The following HIBADH variants were observed in gnomAD, a reference collection of about 807,000 sequenced individuals.
HIBADH encodes 3-hydroxyisobutyrate dehydrogenase, mitochondrial.
Under a neutral mutation model 36.1 loss-of-function variants are expected in HIBADH, and 25 were observed. The observed-to-expected ratio is 0.69, with a 90% CI of 0.50 to 0.97. The LOEUF is 0.97. Ranked by LOEUF, HIBADH falls within the 50% of genes least tolerant of loss-of-function variation. The pLI is 0.00. For synonymous variants in HIBADH, 160 were observed against 149.5 expected (o/e 1.07, Z -0.51); for missense variants, 421 against 418.0 (o/e 1.01, Z -0.06).
intron 1 of HIBADH, among the ~76,000 whole-genome samples, chr7:27,652,881 C>T (rs1423549439): frequency 1.3e-5 from 2 of 152,224 alleles, no homozygotes; most frequent in African/African-American, 4.8e-5. Flanking sequence ...GTAATCCCAG[C>T]ACTTTGGGAG....
At chr7:27,628,253 C>T (rs1048423734) in intron 4 of HIBADH, among the ~76,000 whole-genome samples, 3 of 151,992 alleles carry the variant, frequency 2.0e-5, no homozygotes, top group Non-Finnish European at 4.4e-5. Flanking sequence ...ATTTATTCCT[C>T]CACCTATATT....
chr7:27,571,161 T>G (rs1784622706), intron 4 of HIBADH, among the ~76,000 whole-genome samples: 1 of 152,132 alleles, frequency 6.6e-6, no homozygotes, highest in South Asian at 2.1e-4. Flanking sequence ...ATTTCAATGA[T>G]TTTTCTAAAT....
chr7:27,640,475 A>G (rs972634198), intron 2 of HIBADH, among the ~76,000 whole-genome samples: 1 of 152,184 alleles, frequency 6.6e-6, no homozygotes, highest in African/African-American at 2.4e-5. Flanking sequence ...GGCTGCAGTG[A>G]GCCATGATCC....
At chr7:27,556,322 T>A (rs1784388140) in intron 4 of HIBADH, among the ~76,000 whole-genome samples, 1 of 152,240 alleles carries the variant, frequency 6.6e-6, no homozygotes, top group African/African-American at 2.4e-5. Context: ...TTTTTCTTGT[T>A]AATTATAGAT....
At chr7:27,625,577 G>A (rs1446827783) in intron 4 of HIBADH, among the ~76,000 whole-genome samples, 1 of 152,026 alleles carries the variant, frequency 6.6e-6, no homozygotes, top group Non-Finnish European at 1.5e-5. Context: ...AACTTCAAAG[G>A]TAATAAATAG....
chr7:27,626,100 C>T (rs12155440), intron 4 of HIBADH, among the ~76,000 whole-genome samples: 4 of 12,650 alleles, frequency 3.2e-4, no homozygotes, highest in African/African-American at 1.8e-3. Context: ...GAGACTCCGT[C>T]TCAGAAAAAA....
intron 4 of HIBADH, among the ~76,000 whole-genome samples, chr7:27,551,795 C>A (rs1784322938): frequency 6.6e-6 from 1 of 152,182 alleles, no homozygotes; most frequent in South Asian, 2.1e-4. Context: ...CATAGTAAAT[C>A]ACTTAATTTA....
intron 4 of HIBADH, among the ~76,000 whole-genome samples, chr7:27,598,679 CAG>C (rs1785071441): frequency 6.6e-6 from 1 of 152,032 alleles, no homozygotes; most frequent in South Asian, 2.1e-4. Flanking sequence ...CACAACAAAA[CAG>C]AGAAAGATAA....
intron 4 of HIBADH, among the ~76,000 whole-genome samples, chr7:27,570,650 C>T (rs1784614806): frequency 1.3e-5 from 2 of 150,732 alleles, no homozygotes; most frequent in Admixed American, 1.3e-4. Context: ...TCATCAATCT[C>T]TACACTTCAA....
chr7:27,602,355 A>C (rs948658821), intron 4 of HIBADH, among the ~76,000 whole-genome samples: 1 of 152,184 alleles, frequency 6.6e-6, no homozygotes, highest in African/African-American at 2.4e-5. Flanking sequence ...GAATCTACTT[A>C]TTGATAAGGC....
At chr7:27,543,407 A>G (rs1215523915) in intron 4 of HIBADH, among the ~76,000 whole-genome samples, 1 of 152,204 alleles carries the variant, frequency 6.6e-6, no homozygotes, top group Non-Finnish European at 1.5e-5. Flanking sequence ...TATTATTCCC[A>G]TGCATCTATT....
chr7:27,655,039 A>C (rs376511997), intron 1 of HIBADH, among the ~76,000 whole-genome samples: 11 of 152,188 alleles, frequency 7.2e-5, no homozygotes, highest in African/African-American at 2.7e-4. Flanking sequence ...ATCAAAACTA[A>C]TCAAACTGTA....
chr7:27,662,801 C>G lies in HIBADH; in HGVS notation c.-13G>C, dbSNP rs1228276405. 1 of 1,469,588 alleles carries G rather than the reference C, an allele frequency of 6.8e-7. No homozygotes were observed. Among genetic ancestry groups the G allele is most frequent in the Admixed American group, 2.5e-5 (1 of 39,738 alleles). The allele number at this position is 1,469,588 out of a possible 1,614,324, so 91.0% of individuals were successfully genotyped here. A position where few individuals can be genotyped will look rare whatever the true frequency, so the allele number is the denominator to read the frequency against. On this transcript the variant is annotated 5_prime_UTR_variant, in exon 1 of 8. Coordinates refer to ENST00000265395, the MANE Select transcript of HIBADH (RefSeq NM_152740.4). ...AGGAGGCTGCCATGCTGCGCCCGCC[C>G]CTCTCCCCGCGGTGACCTCCGCCGC...
chr7:27,592,296 T>C (rs944174153), intron 4 of HIBADH, among the ~76,000 whole-genome samples: 3 of 152,180 alleles, frequency 2.0e-5, no homozygotes, highest in Non-Finnish European at 2.9e-5. Context: ...CATTTATCTT[T>C]TTCCTCAGCA....
chr7:27,606,145 T>C (rs1785224119), intron 4 of HIBADH, among the ~76,000 whole-genome samples: 1 of 152,244 alleles, frequency 6.6e-6, no homozygotes, highest in Non-Finnish European at 1.5e-5. Context: ...AGATTTACTT[T>C]TTAAAAGTTG....
At position 27,645,368 on chromosome 7, in the gene HIBADH, A is replaced by ATTTTTTTTTT. The variant is rs762685685; in HGVS notation, c.252+4095_252+4104dup. 2.0e-4 allele frequency among the ~76,000 whole-genome samples: 12 copies of ATTTTTTTTTT among 59,644 alleles called. 2 individuals carry two copies. The highest frequency in any genetic ancestry group is 6.9e-4 in the African/African-American group (11 of 15,868). 39.1% of individuals were successfully genotyped at this position (59,644 alleles called of 152,430 possible). A position where few individuals can be genotyped will look rare whatever the true frequency, so the allele number is the denominator to read the frequency against. On this transcript the variant is annotated intron_variant, in intron 2 of 7. Transcript: ENST00000265395. ...CTAGTGGGTGTGTCTCATGGTTTTGATTTTTTTTTTTTTTTTTTTTTTTTT... is the reference window on the plus strand; with the variant it reads ...CTAGTGGGTGTGTCTCATGGTTTTGATTTTTTTTTTTTTTTTTTTTTTTTTTTTTTTTTTT...
intron 4 of HIBADH, among the ~76,000 whole-genome samples, chr7:27,568,701 C>T (rs192837216): frequency 2.6e-5 from 4 of 152,218 alleles, no homozygotes; most frequent in Admixed American, 2.6e-4. Context: ...AAACTCCTGA[C>T]TTCAAGTGAT....
chr7:27,606,120 C>A (rs1785222958), intron 4 of HIBADH, among the ~76,000 whole-genome samples: 1 of 151,694 alleles, frequency 6.6e-6, no homozygotes, highest in South Asian at 2.1e-4. Flanking sequence ...TTTTCATAAA[C>A]CAAAATTATA....
rs767874097 is a variant in HIBADH at position 27,632,356 on chromosome 7, G to A, written c.342C>T (p.Ser114=). 42 of 1,608,612 alleles carry A rather than the reference G, an allele frequency of 2.6e-5. No homozygotes were observed. The highest frequency in any genetic ancestry group is 6.7e-5 in the East Asian group (3 of 44,810). Residue 114 remains serine (S), a synonymous_variant, in exon 3 of 8, where the codon TCC becomes TCT. Transcript: ENST00000265395. ...PTSINAIEAY[S]GANGILKKVK... ...CATACTTTAGAATCCCATTTGCTCCGGAATAAGCTTCTATTGCATTGATAC... is the reference window on the plus strand; with the variant it reads ...CATACTTTAGAATCCCATTTGCTCCAGAATAAGCTTCTATTGCATTGATAC...
Sources: gnomAD v4.1 joint callset for allele counts (sites outside exome capture counted in the v4.1 genomes callset) on GRCh38, gnomAD v4.1.1 for gene constraint, MANE v1.5 for transcripts, NCBI Gene and HGNC (gene_info 2026-07-23, HGNC 2026-07-21) for gene names.